The following GLI3 variants were observed in gnomAD, a reference collection of about 807,000 sequenced individuals.
The protein encoded by GLI3 is GLI family zinc finger 3.
Under a neutral mutation model 100.8 loss-of-function variants are expected in GLI3, and 20 were observed. The observed-to-expected ratio is 0.20, with a 90% CI of 0.14 to 0.29. GLI3 has a LOEUF of 0.29. Ranked by LOEUF, GLI3 falls within the 10% of genes least tolerant of loss-of-function variation. GLI3 has a pLI of 1.00. For missense variants in GLI3, 2,040 were observed against 2,128.5 expected (o/e 0.96, Z 0.82); for synonymous variants, 938 against 860.5 (o/e 1.09, Z -1.58).
chr7:42,084,279 A>G (rs148938761), intron 3 of GLI3, among the ~76,000 whole-genome samples: 17 of 152,368 alleles, frequency 1.1e-4, no homozygotes, highest in African/African-American at 3.8e-4. Flanking sequence ...TTCCCACAAG[A>G]AAATGCCAAA....
At chr7:42,254,752 G>C (rs1297805448) in intron 1 of GLI3, among the ~76,000 whole-genome samples, 2 of 151,480 alleles carry the variant, frequency 1.3e-5, no homozygotes, top group Non-Finnish European at 2.9e-5. Context: ...CCTGCCCACT[G>C]CCTCTTCCAC....
At chr7:41,973,920 T>C (rs972158930) in intron 12 of GLI3, among the ~76,000 whole-genome samples, 5 of 152,168 alleles carry the variant, frequency 3.3e-5, no homozygotes, top group Non-Finnish European at 7.3e-5. Flanking sequence ...TTGCAGCATA[T>C]ATATATATAA....
intron 2 of GLI3, 118 bp from the exon 3 acceptor site, chr7:42,148,586 A>G: frequency 1.0e-6 from 1 of 993,622 alleles, no homozygotes; most frequent in Non-Finnish European, 1.6e-6. Flanking sequence ...TATCTTTCTC[A>G]TTCACAGCAA....
chr7:42,243,567 A>T (rs1025322237), intron 1 of GLI3, among the ~76,000 whole-genome samples: 1 of 152,224 alleles, frequency 6.6e-6, no homozygotes, highest in African/African-American at 2.4e-5. Flanking sequence ...TGTGAATTGG[A>T]GATAACGATA....
chr7:41,998,297 G>C (rs1368823884), intron 10 of GLI3, among the ~76,000 whole-genome samples: 1 of 152,108 alleles, frequency 6.6e-6, no homozygotes, highest in Non-Finnish European at 1.5e-5. Context: ...AGAGAACACT[G>C]TATTTTCTTT....
In GLI3 at chr7:41,965,723, G is replaced by C. The variant is rs531098202; in HGVS notation, c.3350C>G (p.Pro1117Arg). 5.6e-6 allele frequency: 9 copies of C among 1,613,712 alleles called. No individual in the cohort carries two copies. The highest frequency in any genetic ancestry group is 4.5e-5 in the East Asian group (2 of 44,840). ...GYEQHFPSAL[P>R]DDSKVPHGPG... The stretch of plus-strand genomic sequence containing the variant: ...CCCGTGGGGCACTTTGCTGTCGTCC[G>C]GGAGGGCGCTGGGGAAGTGCTGCTC... The change falls in exon 15 of 15, where the codon CCG becomes CGG. Residue 1117 changes from proline (P) to arginine (R), a missense_variant. Pro to Arg is a moderately radical substitution (Grantham distance 103). This residue lies in a region of GLI3 where 1,041 missense variants were observed against 924.0 expected (regional missense o/e 1.13). Transcript: ENST00000395925.
intron 2 of GLI3, among the ~76,000 whole-genome samples, chr7:42,161,829 C>A (rs1401062418): frequency 1.3e-5 from 2 of 152,180 alleles, no homozygotes; most frequent in African/African-American, 4.8e-5. Flanking sequence ...TTGCTAGAGG[C>A]AGAAACAAAT....
intron 3 of GLI3, among the ~76,000 whole-genome samples, chr7:42,132,748 T>G (rs1355642706): frequency 6.6e-6 from 1 of 152,172 alleles, no homozygotes; most frequent in Non-Finnish European, 1.5e-5. Context: ...TCTGGGATCC[T>G]CAGAAAATTA....
chr7:41,971,488 A>G (rs934677244), intron 13 of GLI3, among the ~76,000 whole-genome samples: 2 of 152,174 alleles, frequency 1.3e-5, no homozygotes, highest in African/African-American at 4.8e-5. Context: ...TTATAAAATC[A>G]CATTCATGAA....
chr7:42,030,726 G>GTT (rs528255868), intron 7 of GLI3, among the ~76,000 whole-genome samples: 16 of 113,492 alleles, frequency 1.4e-4, no homozygotes, highest in Non-Finnish European at 1.9e-4. Context: ...TTTGTTTCTT[G>GTT]TTTTTTTTTT....
At chr7:42,204,961 G>A (rs1393535988) in intron 2 of GLI3, among the ~76,000 whole-genome samples, 1 of 152,112 alleles carries the variant, frequency 6.6e-6, no homozygotes, top group Non-Finnish European at 1.5e-5. Flanking sequence ...ACCAAACGCT[G>A]CATGATTTAA....
chr7:41,978,513 C>T (rs988445725), intron 11 of GLI3, 86 bp downstream of exon 11: 16 of 1,304,766 alleles, frequency 1.2e-5, no homozygotes, highest in Admixed American at 5.0e-5. Context: ...AACCACGCTT[C>T]CCCTGAGCTG....
chr7:42,172,777 C>T, intron 2 of GLI3: 1 of 610,526 alleles, frequency 1.6e-6, no homozygotes, highest in South Asian at 1.9e-5. Context: ...TTATCACCTT[C>T]TATTTAACAA....
chr7:42,051,213 G>T (rs142240548), intron 4 of GLI3, among the ~76,000 whole-genome samples: 3 of 152,280 alleles, frequency 2.0e-5, no homozygotes. Flanking sequence ...TAAAGATACA[G>T]GTGCATCAGG....
chr7:42,009,569 C>G (rs888935500), intron 10 of GLI3, among the ~76,000 whole-genome samples: 24 of 149,370 alleles, frequency 1.6e-4, no homozygotes, highest in African/African-American at 5.4e-4. Flanking sequence ...CCTGACGTTG[C>G]CACTCAACTG....
At chr7:42,051,853 G>A (rs921299115) in intron 4 of GLI3, among the ~76,000 whole-genome samples, 10 of 152,038 alleles carry the variant, frequency 6.6e-5, no homozygotes, top group South Asian at 4.2e-4. Context: ...ACACATCATC[G>A]TCACCCAAAG....
At chr7:42,064,300 A>C (rs1784631023) in intron 4 of GLI3, among the ~76,000 whole-genome samples, 1 of 152,188 alleles carries the variant, frequency 6.6e-6, no homozygotes, top group Admixed American at 6.5e-5. Context: ...AACAAATTTA[A>C]ATTTTTCCAT....
chr7:42,197,478 T>C (rs2128691140), intron 2 of GLI3, among the ~76,000 whole-genome samples: 1 of 152,340 alleles, frequency 6.6e-6, no homozygotes, highest in South Asian at 2.1e-4. Context: ...TTAAAACAAC[T>C]TGCTCTTAGA....
At chr7:42,002,206 T>C (rs1391619882) in intron 10 of GLI3, among the ~76,000 whole-genome samples, 1 of 152,150 alleles carries the variant, frequency 6.6e-6, no homozygotes. Flanking sequence ...AACGCAGCTA[T>C]AATGCTCATA....
Sources: gnomAD v4.1 joint callset for allele counts (sites outside exome capture counted in the v4.1 genomes callset) on GRCh38, gnomAD v4.1.1 for gene constraint, gnomAD v4.1.1 regional missense constraint, MANE v1.5 for transcripts, NCBI Gene and HGNC (gene_info 2026-07-23, HGNC 2026-07-21) for gene names.